Variants in TECPR2 observed in about 807,000 individuals in gnomAD.
The protein encoded by TECPR2 is tectonin beta-propeller repeat-containing protein 2.
TECPR2 carries 65 observed loss-of-function variants against 138.1 expected under a neutral mutation model. The observed-to-expected ratio is 0.47, with a 90% CI of 0.39 to 0.58. The LOEUF is 0.58. TECPR2 is among the 20% of genes least tolerant of loss of function. TECPR2 has a pLI of 0.00. For synonymous variants in TECPR2, 746 were observed against 749.8 expected, an observed-to-expected ratio of 0.99 and a Z score of 0.08; for missense variants, 1,553 against 1,824.5, an observed-to-expected ratio of 0.85 and a Z score of 2.71.
chr14:102,380,437 G>A (rs768021499), intron 2 of TECPR2, among the ~76,000 whole-genome samples: 3 of 152,222 alleles, frequency 2.0e-5, no homozygotes, highest in South Asian at 2.1e-4. Context: ...TCACAGTTAC[G>A]CATGGCTGCG....
chr14:102,491,652 TTGCTGCAACCCTGAGC>T (rs1452219938), intron 17 of TECPR2, among the ~76,000 whole-genome samples: 1 of 152,232 alleles, frequency 6.6e-6, no homozygotes, highest in Non-Finnish European at 1.5e-5. Flanking sequence ...CCCAGCCTCC[TTGCTGCAACCCTGAGC>T]TACCCTCAGT....
chr14:102,438,461 A>C, intron 10 of TECPR2: 1 of 458,642 alleles, frequency 2.2e-6, no homozygotes, highest in East Asian at 4.1e-5. Flanking sequence ...ATTAATTGCA[A>C]TGGTAAGCTC....
intron 2 of TECPR2, among the ~76,000 whole-genome samples, chr14:102,382,381 A>G (rs1258838415): frequency 1.3e-5 from 2 of 152,234 alleles, no homozygotes; most frequent in African/African-American, 4.8e-5. Flanking sequence ...TAAAAAAGAC[A>G]TTACATAATA....
rs1567342050 is a variant in TECPR2, at chr14:102,438,228, CCCG to C, written c.2578+25_2578+27del. ...CAGGTTCGCCTCCCCGCTCCCTGCTCCCGCTCCCTGCTCCCGCTCGCCGCTCCT... is the reference window on the plus strand; with the variant it reads ...CAGGTTCGCCTCCCCGCTCCCTGCTCCTCCCTGCTCCCGCTCGCCGCTCCT... On this transcript the variant is annotated intron_variant, in intron 10 of 19. Coordinates refer to ENST00000359520, the MANE Select transcript of TECPR2 (RefSeq NM_014844.5). 5 of 1,529,156 alleles carry C rather than the reference CCCG, an allele frequency of 3.3e-6. No individual in the cohort carries two copies. The South Asian group carries it at 5.8e-5, about 18-fold the overall frequency. 94.7% of individuals were successfully genotyped at this position (1,529,156 alleles called of 1,614,324 possible).
intron 2 of TECPR2, among the ~76,000 whole-genome samples, chr14:102,397,159 A>C (rs948047449): frequency 2.0e-5 from 3 of 152,212 alleles, no homozygotes; most frequent in African/African-American, 7.2e-5. Context: ...GTTTATACCC[A>C]AGACTGATCT....
In TECPR2 at chr14:102,463,077, C is replaced by T. The variant is rs1001542098; in HGVS notation, c.3641-2064C>T. ...GGGCAGCCAGAACCCGCAGACACGG[C>T]TGTGGGTGTGGAGCACAGGATCTCC... On this transcript the variant is annotated intron_variant, in intron 16 of 19. Coordinates refer to ENST00000359520, the MANE Select transcript of TECPR2 (RefSeq NM_014844.5). Among the ~76,000 whole-genome samples, 3 of 152,294 alleles carry T rather than the reference C, an allele frequency of 2.0e-5. No homozygotes were observed. The East Asian group carries it at 5.8e-4, about 29-fold the overall frequency.
chr14:102,498,738 GT>G lies in TECPR2; in HGVS notation c.*482del, dbSNP rs1301068204. ...GATGGCTTTGTCCCATCATAGGGGG[GT>G]GTCCCCCCAGAGACAAAGCTGCAGA... On this transcript the variant is annotated 3_prime_UTR_variant, in exon 20 of 20. Coordinates refer to ENST00000359520, the MANE Select transcript of TECPR2 (RefSeq NM_014844.5). 2.2e-6 allele frequency: 1 copy of G among 454,780 alleles called. No individual in the cohort carries two copies. The highest frequency in any genetic ancestry group is 4.3e-6 in the Non-Finnish European group (1 of 231,038). The allele number at this position is 454,780 out of a possible 1,614,324, so 28.2% of individuals were successfully genotyped here. A position where few individuals can be genotyped will look rare whatever the true frequency, so the allele number is the denominator to read the frequency against.
intron 12 of TECPR2, among the ~76,000 whole-genome samples, chr14:102,444,749 G>A (rs1889924719): frequency 6.6e-6 from 1 of 152,258 alleles, no homozygotes; most frequent in African/African-American, 2.4e-5. Flanking sequence ...CAAGGCAGGC[G>A]GATCACGAGG....
intron 13 of TECPR2, among the ~76,000 whole-genome samples, chr14:102,447,129 C>T (rs538349289): frequency 2.0e-5 from 3 of 152,298 alleles, no homozygotes; most frequent in South Asian, 2.1e-4. Context: ...CCAGCAAGAG[C>T]GCCTAGAATG....
intron 16 of TECPR2, among the ~76,000 whole-genome samples, chr14:102,458,966 CAT>C (rs3068229): frequency 0.52 from 71,477 of 138,028 alleles, 18,794 homozygotes; most frequent in East Asian, 0.76. Flanking sequence ...AAAATACACA[CAT>C]ATATATATAT....
chr14:102,481,174 T>G (rs1483582077), intron 17 of TECPR2, among the ~76,000 whole-genome samples: 2 of 151,950 alleles, frequency 1.3e-5, no homozygotes, highest in Non-Finnish European at 2.9e-5. Flanking sequence ...CACTATGTAT[T>G]TGTATTTTTA....
At chr14:102,398,215 T>A (rs1888372553) in intron 2 of TECPR2, among the ~76,000 whole-genome samples, 1 of 151,156 alleles carries the variant, frequency 6.6e-6, no homozygotes, top group Admixed American at 6.6e-5. Flanking sequence ...ATAACTGAAA[T>A]GAGAAATTCA....
At chr14:102,495,523 G>A (rs751186034) in intron 17 of TECPR2, among the ~76,000 whole-genome samples, 17 of 152,188 alleles carry the variant, frequency 1.1e-4, no homozygotes, top group Non-Finnish European at 1.9e-4. Flanking sequence ...AGGGAGGGGA[G>A]AGGCCTGTGA....
At chr14:102,424,330 G>GGTTT (rs2139715049) in intron 5 of TECPR2, among the ~76,000 whole-genome samples, 1 of 152,206 alleles carries the variant, frequency 6.6e-6, no homozygotes, top group Non-Finnish European at 1.5e-5. Context: ...TGACTAAAAT[G>GGTTT]GTTTGTTGTT....
intron 2 of TECPR2, among the ~76,000 whole-genome samples, chr14:102,380,519 G>A (rs10136485): frequency 1.3e-5 from 2 of 151,752 alleles, no homozygotes; most frequent in African/African-American, 2.4e-5. Flanking sequence ...AGAACAGGAG[G>A]GGGGAAACCA....
intron 17 of TECPR2, among the ~76,000 whole-genome samples, chr14:102,483,100 C>T (rs1890930998): frequency 6.6e-6 from 1 of 151,914 alleles, no homozygotes; most frequent in Non-Finnish European, 1.5e-5. Context: ...ATCTGCCCGT[C>T]TCGGCCTCTC....
At chr14:102,496,212 T>G (rs993484530) in intron 17 of TECPR2, among the ~76,000 whole-genome samples, 2 of 152,158 alleles carry the variant, frequency 1.3e-5, no homozygotes, top group African/African-American at 4.8e-5. Context: ...TGCCAGGCAG[T>G]GGGGGACAGC....
chr14:102,389,753 G>C (rs1401287829), intron 2 of TECPR2, among the ~76,000 whole-genome samples: 1 of 152,132 alleles, frequency 6.6e-6, no homozygotes, highest in Non-Finnish European at 1.5e-5. Context: ...TCCTTTACCG[G>C]GAATTTGCCT....
chr14:102,381,939 T>C (rs904321016), intron 2 of TECPR2, among the ~76,000 whole-genome samples: 2 of 152,210 alleles, frequency 1.3e-5, no homozygotes, highest in African/African-American at 4.8e-5. Flanking sequence ...GAGTAAGGTA[T>C]CCTATACATT....
Sources: allele counts gnomAD v4.1 joint callset (sites outside exome capture counted in the v4.1 genomes callset), GRCh38; gene constraint gnomAD v4.1.1; transcripts MANE v1.5; gene names NCBI Gene and HGNC (gene_info 2026-07-23, HGNC 2026-07-21).